Variants in GLIS3 observed in about 807,000 individuals in gnomAD.
GLIS3 encodes the protein zinc finger protein GLIS3.
A neutral mutation model predicts 78.6 loss-of-function variants in GLIS3; 53 were observed. That is an observed-to-expected ratio of 0.67 (90% CI 0.54 to 0.85). GLIS3 has a LOEUF of 0.85. Among genes scored for constraint, GLIS3 ranks in the 40% least tolerant of loss-of-function variants. GLIS3 has a pLI of 0.00. For synonymous variants in GLIS3, 684 were observed against 509.9 expected (o/e 1.34, Z -4.60); for missense variants, 1,703 against 1,231.1 (o/e 1.38, Z -5.74).
At chr9:4,055,067 A>G (rs1429745027) in intron 4 of GLIS3, among the ~76,000 whole-genome samples, 4 of 152,200 alleles carry the variant, frequency 2.6e-5, no homozygotes, top group African/African-American at 9.6e-5. Context: ...TTCCTTGTCC[A>G]GTGGGTAAGG....
At chr9:3,857,249 CTG>C (rs1819855626) in intron 8 of GLIS3, among the ~76,000 whole-genome samples, 4 of 152,124 alleles carry the variant, frequency 2.6e-5, no homozygotes, top group Admixed American at 2.6e-4. Flanking sequence ...GTTCCTTACA[CTG>C]TGTAGAAAGA....
At chr9:4,443,438 G>A in the GLIS3 span, among the ~76,000 whole-genome samples, 1 of 152,130 alleles carries the variant, frequency 6.6e-6, no homozygotes, top group Non-Finnish European at 1.5e-5. Context: ...GAATGAATGA[G>A]AAAAGAAAAT....
intron 2 of GLIS3, among the ~76,000 whole-genome samples, chr9:4,194,689 T>C (rs10814873): frequency 0.27 from 41,165 of 152,094 alleles, 6,735 homozygotes; most frequent in South Asian, 0.49. Context: ...AGCATCTCGC[T>C]GATAAAAGTG....
At chr9:4,132,555 C>T (rs566256151) in intron 2 of GLIS3, among the ~76,000 whole-genome samples, 4 of 151,850 alleles carry the variant, frequency 2.6e-5, no homozygotes, top group African/African-American at 9.7e-5. Flanking sequence ...CCAACAATAA[C>T]GTTATTGTTC....
chr9:4,187,201 G>C (rs562999516), intron 2 of GLIS3, among the ~76,000 whole-genome samples: 1 of 152,306 alleles, frequency 6.6e-6, no homozygotes, highest in African/African-American at 2.4e-5. Flanking sequence ...TCCAGTTTCA[G>C]CTTTCTACAT....
At chr9:4,061,034 A>G (rs1826604410) in intron 4 of GLIS3, among the ~76,000 whole-genome samples, 1 of 150,764 alleles carries the variant, frequency 6.6e-6, no homozygotes, top group South Asian at 2.1e-4. Context: ...ACACTTCTGC[A>G]TCATCTGCTT....
At chr9:4,267,689 C>G (rs1250392151) in intron 2 of GLIS3, among the ~76,000 whole-genome samples, 1 of 152,118 alleles carries the variant, frequency 6.6e-6, no homozygotes, top group Non-Finnish European at 1.5e-5. Flanking sequence ...AGGATCCTCA[C>G]AAATCATAAA....
intron 2 of GLIS3, among the ~76,000 whole-genome samples, chr9:4,227,681 G>A (rs1009916648): frequency 1.3e-5 from 2 of 152,200 alleles, no homozygotes; most frequent in Non-Finnish European, 1.5e-5. Context: ...ACTTCTGTAA[G>A]ACCAAAGGTT....
intron 7 of GLIS3, among the ~76,000 whole-genome samples, chr9:3,896,171 A>G (rs1337397840): frequency 6.6e-6 from 1 of 152,214 alleles, no homozygotes; most frequent in Admixed American, 6.5e-5. Flanking sequence ...GAAGGTTTGC[A>G]GTGGATGTTA....
chr9:4,148,941 C>G (rs185495168), intron 2 of GLIS3, among the ~76,000 whole-genome samples: 1 of 152,078 alleles, frequency 6.6e-6, no homozygotes, highest in African/African-American at 2.4e-5. Flanking sequence ...TCCCTATCAA[C>G]AGAACCTTTT....
At chr9:4,230,040 T>C (rs566241205) in intron 2 of GLIS3, among the ~76,000 whole-genome samples, 1 of 152,266 alleles carries the variant, frequency 6.6e-6, no homozygotes, top group Admixed American at 6.5e-5. Flanking sequence ...AGCAATAAAA[T>C]AGTTCCTTGG....
intron 4 of GLIS3, among the ~76,000 whole-genome samples, chr9:3,962,946 A>AG (rs35272998): frequency 0.018 from 2,160 of 118,456 alleles, 25 homozygotes; most frequent in East Asian, 0.028. Context: ...CTGTGATTTA[A>AG]GGGGGGGGGG....
intron 4 of GLIS3, among the ~76,000 whole-genome samples, chr9:4,083,070 T>C (rs1055071936): frequency 6.6e-6 from 1 of 152,218 alleles, no homozygotes; most frequent in Non-Finnish European, 1.5e-5. Flanking sequence ...CTTTTCTCTG[T>C]TCCCTTTGGG....
chr9:3,937,215 G>A, intron 4 of GLIS3, 26 bp from the exon 5 acceptor site: 1 of 1,613,538 alleles, frequency 6.2e-7, no homozygotes, highest in Non-Finnish European at 8.5e-7. Context: ...AATTTTTGGT[G>A]GTTGAGAAGG....
chr9:3,933,819 G>A (rs778891897), intron 5 of GLIS3, among the ~76,000 whole-genome samples: 6 of 152,212 alleles, frequency 3.9e-5, no homozygotes, highest in Non-Finnish European at 8.8e-5. Flanking sequence ...TATTTGACCT[G>A]CTAGAAGCCA....
In GLIS3 at chr9:4,050,577, T is replaced by C. The variant is rs536975469; in HGVS notation, c.1710+67191A>G. Among the ~76,000 whole-genome samples, 9 of 152,178 alleles carry C rather than the reference T, an allele frequency of 5.9e-5. 1 individual carries two copies. Among genetic ancestry groups the C allele is most frequent in the Non-Finnish European group, 1.2e-4 (8 of 67,990 alleles). On this transcript the variant is annotated intron_variant, in intron 4 of 10. Transcript: ENST00000381971. ...AAACCTGCAGCTTGTGCACATGTAC[T>C]CTAGAACTTAAAGTATAATAATAAA... is the stretch of plus-strand genomic sequence containing the variant.
At chr9:4,447,266 T>G in the GLIS3 span, among the ~76,000 whole-genome samples, 1 of 152,112 alleles carries the variant, frequency 6.6e-6, no homozygotes, top group Non-Finnish European at 1.5e-5. Flanking sequence ...CAGGCTGGTC[T>G]CAAACTCCTG....
the GLIS3 span, among the ~76,000 whole-genome samples, chr9:4,404,255 C>A: frequency 2.0e-5 from 3 of 152,030 alleles, no homozygotes; most frequent in Admixed American, 1.3e-4. Context: ...GAGAAATAGG[C>A]CCAAATACAA....
intron 4 of GLIS3, among the ~76,000 whole-genome samples, chr9:3,967,347 T>C (rs1352694153): frequency 6.6e-6 from 1 of 151,916 alleles, no homozygotes; most frequent in Admixed American, 6.6e-5. Flanking sequence ...CTACTAAAAA[T>C]AGAAAATTAG....
Sources: allele counts gnomAD v4.1 joint callset (sites outside exome capture counted in the v4.1 genomes callset), GRCh38; gene constraint gnomAD v4.1.1; transcripts MANE v1.5; gene names NCBI Gene and HGNC (gene_info 2026-07-23, HGNC 2026-07-21).